Variants in GALNT13 observed in about 807,000 individuals in gnomAD.
The protein encoded by GALNT13 is polypeptide N-acetylgalactosaminyltransferase 13.
Under a neutral mutation model 64.2 loss-of-function variants are expected in GALNT13, and 28 were observed. The observed-to-expected ratio is 0.44, with a 90% CI of 0.32 to 0.60. GALNT13 has a LOEUF of 0.60. GALNT13 is among the 20% of genes least tolerant of loss of function. The pLI is 0.05. For synonymous variants in GALNT13, 214 were observed against 224.6 expected (o/e 0.95, Z 0.42); for missense variants, 577 against 669.8 (o/e 0.86, Z 1.53).
chr2:153,792,216 T>C, the GALNT13 span, among the ~76,000 whole-genome samples: 112 of 152,342 alleles, frequency 7.4e-4, no homozygotes, highest in African/African-American at 2.5e-3. Flanking sequence ...TCTACATCCA[T>C]GTATTCAACC....
intron 9 of GALNT13, among the ~76,000 whole-genome samples, chr2:154,381,618 A>G (rs1019146533): frequency 2.0e-5 from 3 of 152,072 alleles, no homozygotes; most frequent in Non-Finnish European, 4.4e-5. Context: ...AACAGAGGTT[A>G]AGGACACTAA....
the GALNT13 span, among the ~76,000 whole-genome samples, chr2:153,777,639 C>T: frequency 6.6e-6 from 1 of 152,108 alleles, no homozygotes; most frequent in Admixed American, 6.5e-5. Flanking sequence ...TCCTTTGTAC[C>T]CCTCGCAGGG....
At chr2:153,106,724 T>C in the GALNT13 span, among the ~76,000 whole-genome samples, 1 of 152,192 alleles carries the variant, frequency 6.6e-6, no homozygotes, top group Non-Finnish European at 1.5e-5. Flanking sequence ...AAGGATATTC[T>C]TTATGACTTG....
intron 2 of GALNT13, among the ~76,000 whole-genome samples, chr2:153,939,280 A>G (rs1691173349): frequency 1.3e-5 from 2 of 152,200 alleles, no homozygotes; most frequent in African/African-American, 2.4e-5. Context: ...ACAATCGCAC[A>G]TGCCCTGAGG....
chr2:153,759,882 A>G, the GALNT13 span, among the ~76,000 whole-genome samples: 3 of 152,098 alleles, frequency 2.0e-5, no homozygotes, highest in African/African-American at 7.2e-5. Context: ...GATTTATATT[A>G]GTTCTCCTTT....
the GALNT13 span, among the ~76,000 whole-genome samples, chr2:153,301,199 G>A: frequency 6.6e-6 from 1 of 151,248 alleles, no homozygotes; most frequent in African/African-American, 2.4e-5. Flanking sequence ...CTTACCAGCT[G>A]CACGAGAGGC....
the GALNT13 span, among the ~76,000 whole-genome samples, chr2:153,170,274 A>G: frequency 1.3e-5 from 2 of 152,152 alleles, no homozygotes; most frequent in Non-Finnish European, 2.9e-5. Flanking sequence ...TGGTTGATAT[A>G]ATAATATATC....
chr2:153,706,240 C>A, the GALNT13 span, among the ~76,000 whole-genome samples: 1 of 152,032 alleles, frequency 6.6e-6, no homozygotes, highest in African/African-American at 2.4e-5. Context: ...CGTGATCCAC[C>A]CACCTCGGCC....
the GALNT13 span, among the ~76,000 whole-genome samples, chr2:153,206,788 T>A: frequency 6.6e-6 from 1 of 152,088 alleles, no homozygotes; most frequent in Non-Finnish European, 1.5e-5. Flanking sequence ...AAATATTTTA[T>A]GTGAATTTCT....
chr2:153,873,365 T>A (rs1025732334), intron 1 of GALNT13, among the ~76,000 whole-genome samples: 1 of 152,226 alleles, frequency 6.6e-6, no homozygotes, highest in Admixed American at 6.5e-5. Flanking sequence ...AGGCTGCTAC[T>A]CTGGACAGCG....
At chr2:153,624,679 C>T in the GALNT13 span, among the ~76,000 whole-genome samples, 2 of 151,928 alleles carry the variant, frequency 1.3e-5, no homozygotes, top group African/African-American at 2.4e-5. Context: ...CGGGTTATTA[C>T]AGCAACAAAA....
intron 8 of GALNT13, among the ~76,000 whole-genome samples, chr2:154,265,266 C>G (rs1442239630): frequency 6.6e-6 from 1 of 151,874 alleles, no homozygotes; most frequent in Non-Finnish European, 1.5e-5. Flanking sequence ...ATAGACCAAA[C>G]AGCCCTGTAT....
At chr2:153,665,608 A>C in the GALNT13 span, among the ~76,000 whole-genome samples, 1 of 152,272 alleles carries the variant, frequency 6.6e-6, no homozygotes, top group South Asian at 2.1e-4. Flanking sequence ...CCATCATTTA[A>C]AGATAAAAAG....
chr2:153,201,973 C>CTTTTT, the GALNT13 span, among the ~76,000 whole-genome samples: 65 of 108,874 alleles, frequency 6.0e-4, no homozygotes, highest in East Asian at 1.0e-3. Context: ...CCACCCATTT[C>CTTTTT]TTTTTTTTTT....
chr2:154,354,706 C>T (rs1487987216), intron 9 of GALNT13, among the ~76,000 whole-genome samples: 1 of 151,678 alleles, frequency 6.6e-6, no homozygotes, highest in African/African-American at 2.4e-5. Flanking sequence ...CTCTTGGTGC[C>T]CTTGTTGAAA....
intron 1 of GALNT13, among the ~76,000 whole-genome samples, chr2:153,883,254 T>C (rs1686906232): frequency 6.6e-6 from 1 of 151,548 alleles, no homozygotes; most frequent in African/African-American, 2.4e-5. Context: ...ATCTATCAAT[T>C]CTAATAAAAA....
the GALNT13 span, among the ~76,000 whole-genome samples, chr2:153,735,030 T>G: frequency 6.6e-6 from 1 of 152,104 alleles, no homozygotes; most frequent in African/African-American, 2.4e-5. Context: ...CCAGACAAAG[T>G]GAAAGAACCA....
chr2:153,939,670 TG>T (rs1691199954), intron 2 of GALNT13, among the ~76,000 whole-genome samples: 1 of 152,134 alleles, frequency 6.6e-6, no homozygotes, highest in South Asian at 2.1e-4. Context: ...TCTGCAAGGG[TG>T]GGTAGGGAGA....
At chr2:154,286,597 C>A (rs1485030187) in intron 8 of GALNT13, 2 of 222,986 alleles carry the variant, frequency 9.0e-6, no homozygotes, top group East Asian at 1.3e-4. Flanking sequence ...ACATGGCTGC[C>A]AGCATGTTTG....
Sources: gnomAD v4.1 joint callset for allele counts (sites outside exome capture counted in the v4.1 genomes callset) on GRCh38, gnomAD v4.1.1 for gene constraint, MANE v1.5 for transcripts, NCBI Gene and HGNC (gene_info 2026-07-23, HGNC 2026-07-21) for gene names.